CCDC148: variants seen among roughly 807,000 people sequenced by gnomAD.
CCDC148 encodes coiled-coil domain containing 148.
In CCDC148, 89 loss-of-function variants were observed where a neutral mutation model predicts 85.7. The observed-to-expected ratio is 1.04, with a 90% CI of 0.87 to 1.24. The LOEUF (loss-of-function observed/expected upper bound fraction) is 1.24, where lower values mean the gene tolerates loss of function less well. Among genes scored for constraint, CCDC148 ranks in the 50% most tolerant of loss-of-function variants. CCDC148 has a pLI of 0.00. For missense variants in CCDC148, 692 were observed against 671.7 expected, an observed-to-expected ratio of 1.03 and a Z score of -0.33; for synonymous variants, 230 against 213.9, an observed-to-expected ratio of 1.08 and a Z score of -0.66.
intron 1 of CCDC148, 61 bp downstream of exon 1, chr2:158,456,354 T>C (rs756791841): frequency 3.9e-6 from 6 of 1,547,534 alleles, no homozygotes; most frequent in Non-Finnish European, 5.3e-6. Flanking sequence ...ATAAGTAGGA[T>C]TTAGGTGGCT....
intron 1 of CCDC148, among the ~76,000 whole-genome samples, chr2:158,427,182 T>C (rs1267115156): frequency 2.0e-5 from 3 of 152,198 alleles, no homozygotes; most frequent in Non-Finnish European, 4.4e-5. Context: ...AAATAGTCAT[T>C]CAGAACAGAT....
intron 11 of CCDC148, among the ~76,000 whole-genome samples, chr2:158,206,388 A>G (rs905079576): frequency 1.3e-5 from 2 of 152,144 alleles, no homozygotes; most frequent in Non-Finnish European, 2.9e-5. Flanking sequence ...CCACACCCAC[A>G]GCCCCTAAGG....
At chr2:158,290,400 C>T (rs377459173) in intron 9 of CCDC148, among the ~76,000 whole-genome samples, 3 of 152,140 alleles carry the variant, frequency 2.0e-5, no homozygotes, top group South Asian at 4.2e-4. Flanking sequence ...GCCTACAGTT[C>T]GACTGTTTAG....
At chr2:158,258,061 G>A (rs769538630) in intron 9 of CCDC148, among the ~76,000 whole-genome samples, 79 of 151,968 alleles carry the variant, frequency 5.2e-4, no homozygotes, top group African/African-American at 1.9e-3. Flanking sequence ...GACTAGATCA[G>A]TATTGTCTAA....
intron 1 of CCDC148, among the ~76,000 whole-genome samples, chr2:158,435,683 A>T (rs907539596): frequency 3.3e-5 from 5 of 152,130 alleles, no homozygotes; most frequent in African/African-American, 1.2e-4. Context: ...CAGACTGGCA[A>T]ATTGGATAAA....
intron 1 of CCDC148, among the ~76,000 whole-genome samples, chr2:158,429,496 G>C (rs1304284085): frequency 6.6e-6 from 1 of 152,136 alleles, no homozygotes; most frequent in Non-Finnish European, 1.5e-5. Flanking sequence ...GCAATGGCAA[G>C]AGAGAAAGGA....
intron 7 of CCDC148, among the ~76,000 whole-genome samples, chr2:158,335,901 G>A (rs546260754): frequency 6.6e-6 from 1 of 152,212 alleles, no homozygotes; most frequent in East Asian, 1.9e-4. Flanking sequence ...TCTAGAGATG[G>A]AGTCATTTCA....
At chr2:158,443,531 A>C (rs1386035460) in intron 1 of CCDC148, among the ~76,000 whole-genome samples, 2 of 151,480 alleles carry the variant, frequency 1.3e-5, no homozygotes, top group African/African-American at 4.8e-5. Context: ...AAAGAAAAGG[A>C]AAAAAAGTGA....
intron 10 of CCDC148, among the ~76,000 whole-genome samples, chr2:158,226,936 G>C (rs1443839574): frequency 6.6e-6 from 1 of 152,058 alleles, no homozygotes; most frequent in Non-Finnish European, 1.5e-5. Flanking sequence ...ATTCAACATA[G>C]TGTTGGAAGT....
At chr2:158,195,333 C>T (rs1685618974) in intron 11 of CCDC148, among the ~76,000 whole-genome samples, 1 of 151,956 alleles carries the variant, frequency 6.6e-6, no homozygotes. Flanking sequence ...CACATGAAGG[C>T]ATATCCAACA....
Position 158,313,901 on chromosome 2 carries a change from G to A in CCDC148, c.765-7C>T. ...TTCACTTAGTTGACAGTTTCTAGAA[G>A]CAACAAAAATGTCACAACATATTAT... On this transcript the variant is annotated splice_polypyrimidine_tract_variant and splice_region_variant and intron_variant, in intron 7 of 13. Coordinates refer to ENST00000283233, the MANE Select transcript of CCDC148 (RefSeq NM_138803.4). 4.4e-6 allele frequency: 7 copies of A among 1,608,344 alleles called. No homozygotes were observed. The highest frequency in any genetic ancestry group is 5.9e-6 in the Non-Finnish European group (7 of 1,177,220).
At position 158,172,155 on chromosome 2, in the gene CCDC148, T is replaced by C; in HGVS notation, c.1734A>G (p.Lys578=). 1 of 1,609,790 alleles carries C rather than the reference T, an allele frequency of 6.2e-7. No individual in the cohort carries two copies. The highest frequency in any genetic ancestry group is 8.5e-7 in the Non-Finnish European group (1 of 1,177,462). Residue 578 remains lysine, a synonymous_variant, in exon 14 of 14, where the codon AAA becomes AAG. Transcript: ENST00000283233. ...KEILPKISPQ[K]PPRKDMESTV... ...TAGACTCCATGTCCTTTCTTGGAGGTTTTTGAGGACTAATTTTTGGTAATA... is the reference window on the plus strand; with the variant it reads ...TAGACTCCATGTCCTTTCTTGGAGGCTTTTGAGGACTAATTTTTGGTAATA...
At chr2:158,385,142 T>A (rs1027828107) in intron 1 of CCDC148, among the ~76,000 whole-genome samples, 2 of 152,142 alleles carry the variant, frequency 1.3e-5, no homozygotes, top group Admixed American at 1.3e-4. Flanking sequence ...CAATTCCTTC[T>A]CATGGTTTGG....
rs371108900 is a variant in CCDC148, at chr2:158,348,443, A to C, written c.148-3125T>G. Among the ~76,000 whole-genome samples, 620 of 152,132 alleles carry C rather than the reference A, an allele frequency of 4.1e-3. 5 individuals carry two copies. Among genetic ancestry groups the C allele is most frequent in the African/African-American group, 0.014 (574 of 41,548 alleles). The stretch of plus-strand genomic sequence containing the variant: ...GGATAGAGGAGCAAATCTACAAAAA[A>C]AAAAAGTATAATGTACAGACCATAT... On this transcript the variant is annotated intron_variant, in intron 2 of 13. Transcript: ENST00000283233.
intron 11 of CCDC148, among the ~76,000 whole-genome samples, chr2:158,195,862 G>A (rs1215923025): frequency 2.0e-5 from 3 of 152,106 alleles, no homozygotes; most frequent in Non-Finnish European, 4.4e-5. Context: ...TCCAGTGGGC[G>A]CAGGAGGCTT....
chr2:158,258,441 G>C (rs766926700), intron 9 of CCDC148, among the ~76,000 whole-genome samples: 7 of 151,814 alleles, frequency 4.6e-5, no homozygotes, highest in Non-Finnish European at 8.8e-5. Context: ...TCATAAACCA[G>C]AGTTTGAGTC....
intron 8 of CCDC148, among the ~76,000 whole-genome samples, chr2:158,311,540 G>C (rs1397340210): frequency 1.3e-5 from 2 of 152,168 alleles, no homozygotes; most frequent in African/African-American, 4.8e-5. Flanking sequence ...GCAGAGGGAG[G>C]AGAGGGAGAG....
At chr2:158,377,210 C>T (rs534192407) in intron 1 of CCDC148, among the ~76,000 whole-genome samples, 152 of 151,256 alleles carry the variant, frequency 1.0e-3, no homozygotes, top group African/African-American at 3.6e-3. Flanking sequence ...AAATAAACTG[C>T]TCTTCCTTAG....
chr2:158,427,509 G>C (rs1361065202), intron 1 of CCDC148, among the ~76,000 whole-genome samples: 1 of 152,110 alleles, frequency 6.6e-6, no homozygotes, highest in Non-Finnish European at 1.5e-5. Context: ...ACCTGGAGCA[G>C]AGTGTGATTT....
Sources: gnomAD v4.1 joint callset for allele counts (sites outside exome capture counted in the v4.1 genomes callset) on GRCh38, gnomAD v4.1.1 for gene constraint, MANE v1.5 for transcripts, NCBI Gene and HGNC (gene_info 2026-07-23, HGNC 2026-07-21) for gene names.